SAMD12: variants seen among roughly 807,000 people sequenced by gnomAD.
The protein encoded by SAMD12 is sterile alpha motif domain-containing protein 12.
SAMD12 carries 9 observed loss-of-function variants against 15.0 expected under a neutral mutation model. That is an observed-to-expected ratio of 0.60 (90% CI 0.36 to 1.05). SAMD12 has a LOEUF of 1.05. Among genes scored for constraint, SAMD12 ranks in the 50% least tolerant of loss-of-function variants. The pLI, the probability that SAMD12 is intolerant of heterozygous loss-of-function variation, is 0.01. For missense variants in SAMD12, 230 were observed against 234.2 expected (o/e 0.98, Z 0.12); for synonymous variants, 86 against 90.1 (o/e 0.96, Z 0.25).
intron 2 of SAMD12, among the ~76,000 whole-genome samples, chr8:118,550,593 A>G (rs1024400700): frequency 6.6e-6 from 1 of 152,258 alleles, no homozygotes; most frequent in Non-Finnish European, 1.5e-5. Context: ...TGTAAAGACC[A>G]TCAAGACTAG....
chr8:118,396,864 C>T (rs953033311), intron 3 of SAMD12, among the ~76,000 whole-genome samples: 2 of 152,086 alleles, frequency 1.3e-5, no homozygotes, highest in African/African-American at 2.4e-5. Flanking sequence ...GAGGTGGTAA[C>T]AGGAAGATAC....
chr8:118,595,910 C>T (rs1827711695), intron 1 of SAMD12, among the ~76,000 whole-genome samples: 1 of 152,214 alleles, frequency 6.6e-6, no homozygotes, highest in Non-Finnish European at 1.5e-5. Context: ...TAAATATTCA[C>T]TCCCCTCCCC....
chr8:118,528,918 G>T (rs1485820474), intron 2 of SAMD12, among the ~76,000 whole-genome samples: 2 of 151,932 alleles, frequency 1.3e-5, no homozygotes, highest in African/African-American at 4.8e-5. Context: ...CCTCAATATG[G>T]TGTCATGCAG....
intron 2 of SAMD12, among the ~76,000 whole-genome samples, chr8:118,546,087 A>T (rs1826115668): frequency 1.3e-5 from 2 of 152,198 alleles, no homozygotes. Flanking sequence ...AACAAATGCC[A>T]TCATTCCTGC....
intron 2 of SAMD12, among the ~76,000 whole-genome samples, chr8:118,523,135 C>T (rs1193424152): frequency 1.3e-5 from 2 of 152,136 alleles, no homozygotes; most frequent in African/African-American, 4.8e-5. Context: ...CATGTGTGCA[C>T]TGTGATGCAC....
At chr8:118,473,500 A>G (rs937514575) in intron 2 of SAMD12, among the ~76,000 whole-genome samples, 7 of 152,174 alleles carry the variant, frequency 4.6e-5, no homozygotes, top group African/African-American at 1.7e-4. Context: ...TGATGTTTTC[A>G]CCAATCTTCA....
intron 4 of SAMD12, among the ~76,000 whole-genome samples, chr8:118,266,834 G>C (rs539869706): frequency 1.3e-5 from 2 of 152,046 alleles, no homozygotes; most frequent in Non-Finnish European, 2.9e-5. Flanking sequence ...CAGAGGCTAG[G>C]GGGTGGAGGG....
At chr8:118,333,969 G>C (rs1290011931) in intron 4 of SAMD12, among the ~76,000 whole-genome samples, 1 of 148,176 alleles carries the variant, frequency 6.7e-6, no homozygotes, top group Non-Finnish European at 1.5e-5. Context: ...GGGGGCAGGG[G>C]TGTGTCTGTG....
intron 2 of SAMD12, among the ~76,000 whole-genome samples, chr8:118,485,064 C>T (rs570911469): frequency 2.4e-4 from 37 of 152,192 alleles, no homozygotes; most frequent in Admixed American, 7.9e-4. Flanking sequence ...AGTCCCAAGC[C>T]CTGGCTTTTC....
Position 118,549,818 on chromosome 8 carries a change from C to T in SAMD12, c.192+30897G>A, listed in dbSNP as rs561189694. Among the ~76,000 whole-genome samples the T allele has an allele frequency of 8.5e-5, 13 of 152,122 alleles. No individual in the cohort carries two copies. The East Asian group carries it at 1.2e-3, about 14-fold the overall frequency. ...GAATGTATAACTAGAATAACCAATA[C>T]AGAGAAGTGCTTAAAGGAACTGATG... On this transcript the variant is annotated intron_variant, in intron 2 of 3. Coordinates refer to ENST00000314727, the MANE Select transcript of SAMD12 (RefSeq NM_207506.3).
chr8:118,208,336 G>A (rs975375397), intron 4 of SAMD12, among the ~76,000 whole-genome samples: 9 of 152,304 alleles, frequency 5.9e-5, no homozygotes, highest in Admixed American at 2.6e-4. Context: ...TTTGTCATAC[G>A]GAATCTTAGA....
intron 2 of SAMD12, among the ~76,000 whole-genome samples, chr8:118,456,370 G>A (rs7835295): frequency 0.72 from 109,029 of 152,086 alleles, 39,380 homozygotes; most frequent in African/African-American, 0.8. Context: ...AACACATCCC[G>A]TCTTCACTAT....
At chr8:118,586,638 C>T (rs565419261) in intron 1 of SAMD12, among the ~76,000 whole-genome samples, 114 of 152,264 alleles carry the variant, frequency 7.5e-4, no homozygotes, top group African/African-American at 2.6e-3. Context: ...CTACATTGCC[C>T]AGCCACCTCT....
chr8:118,452,051 G>A (rs1032262718), intron 2 of SAMD12, among the ~76,000 whole-genome samples: 8 of 152,060 alleles, frequency 5.3e-5, no homozygotes, highest in Non-Finnish European at 1.2e-4. Flanking sequence ...TAGGATTAGT[G>A]TTCTCATAAG....
chr8:118,210,964 A>T (rs1014135905), intron 4 of SAMD12, among the ~76,000 whole-genome samples: 2 of 152,192 alleles, frequency 1.3e-5, no homozygotes, highest in Admixed American at 1.3e-4. Context: ...CAGGGATATA[A>T]AAATGAACAA....
chr8:118,222,328 A>C (rs1230415695), intron 4 of SAMD12, among the ~76,000 whole-genome samples: 2 of 152,162 alleles, frequency 1.3e-5, no homozygotes, highest in African/African-American at 2.4e-5. Flanking sequence ...GAAAGAACAA[A>C]GCAGCAGAGG....
chr8:118,376,900 C>T (rs28656937), downstream of SAMD12, among the ~76,000 whole-genome samples: 8,154 of 152,150 alleles, frequency 0.054, 717 homozygotes, highest in African/African-American at 0.19. Context: ...ATAAGTTCAC[C>T]TGAGTGGAAT....
intron 2 of SAMD12, among the ~76,000 whole-genome samples, chr8:118,523,186 G>C (rs908068615): frequency 1.3e-5 from 2 of 152,168 alleles, no homozygotes; most frequent in African/African-American, 4.8e-5. Context: ...AAACCTTTCA[G>C]ACTGCTGACA....
chr8:118,576,759 T>C (rs1399454402), intron 2 of SAMD12, among the ~76,000 whole-genome samples: 1 of 152,170 alleles, frequency 6.6e-6, no homozygotes, highest in Non-Finnish European at 1.5e-5. Context: ...GTCTTGAGTC[T>C]ACAAGACTAG....
Sources: gnomAD v4.1 joint callset for allele counts (sites outside exome capture counted in the v4.1 genomes callset) on GRCh38, gnomAD v4.1.1 for gene constraint, MANE v1.5 for transcripts, NCBI Gene and HGNC (gene_info 2026-07-23, HGNC 2026-07-21) for gene names.